The following ENTREP2 variants were observed in gnomAD, a reference collection of about 807,000 sequenced individuals.
ENTREP2 encodes protein ENTREP2.
chr15:29,224,386 G>C, the ENTREP2 span, among the ~76,000 whole-genome samples: 6 of 152,146 alleles, frequency 3.9e-5, no homozygotes, highest in Non-Finnish European at 8.8e-5. Flanking sequence ...TTGTGGAAGG[G>C]AACTGCGCCG....
the ENTREP2 span, among the ~76,000 whole-genome samples, chr15:29,191,885 C>T: frequency 6.6e-6 from 1 of 152,176 alleles, no homozygotes; most frequent in African/African-American, 2.4e-5. Context: ...CTGCACTCAA[C>T]CTGGGCAACA....
At chr15:29,580,448 T>C in the ENTREP2 span, among the ~76,000 whole-genome samples, 2 of 152,178 alleles carry the variant, frequency 1.3e-5, no homozygotes, top group Non-Finnish European at 2.9e-5. Context: ...TAAGTGCCAG[T>C]TATTTTTCTA....
At chr15:29,218,639 T>C in the ENTREP2 span, among the ~76,000 whole-genome samples, 1 of 152,104 alleles carries the variant, frequency 6.6e-6, no homozygotes, top group Non-Finnish European at 1.5e-5. Flanking sequence ...TGGAATAGAA[T>C]AGAGAACCCA....
At chr15:29,136,308 G>A in the ENTREP2 span, 1 of 1,438,440 alleles carries the variant, frequency 7.0e-7, no homozygotes, top group Admixed American at 3.1e-5. Flanking sequence ...GGGCAGGCCG[G>A]GACGGTGTCC....
At chr15:29,158,972 G>A in the ENTREP2 span, among the ~76,000 whole-genome samples, 3 of 152,154 alleles carry the variant, frequency 2.0e-5, no homozygotes, top group Admixed American at 6.6e-5. Context: ...AGAGAAAAGC[G>A]ACAGCAATGA....
chr15:29,423,146 C>T, the ENTREP2 span, among the ~76,000 whole-genome samples: 1 of 152,126 alleles, frequency 6.6e-6, no homozygotes, highest in African/African-American at 2.4e-5. Flanking sequence ...AAAGAAAATG[C>T]TTCAACCCTG....
the ENTREP2 span, among the ~76,000 whole-genome samples, chr15:29,243,986 G>C: frequency 6.6e-6 from 1 of 152,138 alleles, no homozygotes. Context: ...GGACAAGGAG[G>C]GCACCTCAAG....
the ENTREP2 span, among the ~76,000 whole-genome samples, chr15:29,488,813 A>G: frequency 0.018 from 2,806 of 152,296 alleles, 87 homozygotes; most frequent in African/African-American, 0.064. Flanking sequence ...CCAACCAAGC[A>G]TTGTATGATA....
the ENTREP2 span, among the ~76,000 whole-genome samples, chr15:29,540,421 C>T: frequency 6.6e-6 from 1 of 152,168 alleles, no homozygotes; most frequent in South Asian, 2.1e-4. Context: ...AGAAAGAGGC[C>T]AGTGGAAGGC....
the ENTREP2 span, among the ~76,000 whole-genome samples, chr15:29,307,575 TCCATTCATATGTTGAAG>T: frequency 6.6e-6 from 1 of 152,234 alleles, no homozygotes; most frequent in Non-Finnish European, 1.5e-5. Flanking sequence ...GTGTGCCCTC[TCCATTCATATGTTGAAG>T]CCTTAACCAC....
chr15:29,400,010 A>C, the ENTREP2 span, among the ~76,000 whole-genome samples: 1 of 152,168 alleles, frequency 6.6e-6, no homozygotes, highest in Non-Finnish European at 1.5e-5. Context: ...GTTTAAACGC[A>C]TGTTGTTCAA....
chr15:29,146,883 C>T, the ENTREP2 span, among the ~76,000 whole-genome samples: 5 of 151,214 alleles, frequency 3.3e-5, no homozygotes, highest in Non-Finnish European at 5.9e-5. Context: ...TGTGGTGAGC[C>T]GAGATCACAC....
chr15:29,535,832 G>A, the ENTREP2 span, among the ~76,000 whole-genome samples: 7 of 151,610 alleles, frequency 4.6e-5, no homozygotes, highest in Admixed American at 2.0e-4. Context: ...AAATATTCTC[G>A]AACTTTCATT....
chr15:29,250,692 G>A, the ENTREP2 span, among the ~76,000 whole-genome samples: 4 of 152,042 alleles, frequency 2.6e-5, no homozygotes, highest in African/African-American at 7.2e-5. Flanking sequence ...AGAAAAAAAT[G>A]GCCAGTTCCT....
At chr15:29,334,277 A>G in the ENTREP2 span, among the ~76,000 whole-genome samples, 9,434 of 152,228 alleles carry the variant, frequency 0.062, 748 homozygotes, top group African/African-American at 0.18. Flanking sequence ...GTCACACTTC[A>G]AGGTCCCTGT....
At chr15:29,549,104 C>T in the ENTREP2 span, among the ~76,000 whole-genome samples, 7,561 of 152,144 alleles carry the variant, frequency 0.05, 595 homozygotes, top group African/African-American at 0.17. Context: ...CATCAGCTGT[C>T]TCTCTACCTC....
chr15:29,488,817 TA>T, the ENTREP2 span, among the ~76,000 whole-genome samples: 4 of 152,188 alleles, frequency 2.6e-5, no homozygotes, highest in African/African-American at 9.7e-5. Flanking sequence ...CCAAGCATTG[TA>T]TGATACATCC....
the ENTREP2 span, among the ~76,000 whole-genome samples, chr15:29,657,756 AG>A: frequency 2.0e-5 from 3 of 152,252 alleles, no homozygotes; most frequent in East Asian, 5.8e-4. Flanking sequence ...AAGACAGAAA[AG>A]TTCCCCAAGT....
At chr15:29,392,066 G>C in the ENTREP2 span, among the ~76,000 whole-genome samples, 1 of 152,018 alleles carries the variant, frequency 6.6e-6, no homozygotes, top group South Asian at 2.1e-4. Context: ...CTGACCTCGT[G>C]ATCTGCCCGC....
Sources: gnomAD v4.1 joint callset for allele counts (sites outside exome capture counted in the v4.1 genomes callset) on GRCh38, gnomAD v4.1.1 for gene constraint, MANE v1.5 for transcripts, NCBI Gene and HGNC (gene_info 2026-07-23, HGNC 2026-07-21) for gene names.